The following FRA10AC1 variants were observed in gnomAD, a reference collection of about 807,000 sequenced individuals.
FRA10AC1 encodes the protein FRA10A associated CGG repeat 1, also known as protein FRA10AC1.
In FRA10AC1, 43 loss-of-function variants were observed where a neutral mutation model predicts 56.5. That is an observed-to-expected ratio of 0.76 (90% CI 0.60 to 0.98). FRA10AC1 has a LOEUF of 0.98. Ranked by LOEUF, FRA10AC1 falls within the 50% of genes least tolerant of loss-of-function variation. The pLI is 0.00. For synonymous variants in FRA10AC1, 112 were observed against 110.5 expected (o/e 1.01, Z -0.09); for missense variants, 346 against 351.8 (o/e 0.98, Z 0.13).
At chr10:93,697,405 C>T (rs1257539592) in intron 4 of FRA10AC1, among the ~76,000 whole-genome samples, 1 of 152,186 alleles carries the variant, frequency 6.6e-6, no homozygotes, top group Non-Finnish European at 1.5e-5. Context: ...CAGATGATTA[C>T]AGGTAGGGGG....
In FRA10AC1 at chr10:93,669,613, T is replaced by C; in HGVS notation, c.*213A>G. ...ATAAAACAGAATTGTAGATAAGCAA[T>C]TGAAAAGATATTTAAAGGACAGGAA... On this transcript the variant is annotated 3_prime_UTR_variant, in exon 14 of 14. Transcript: ENST00000359204. 1 of 530,516 alleles carries C rather than the reference T, an allele frequency of 1.9e-6. No homozygotes were observed. Among genetic ancestry groups the C allele is most frequent in the South Asian group, 2.8e-5 (1 of 35,274 alleles). The allele number at this position is 530,516 out of a possible 1,614,324, so 32.9% of individuals were successfully genotyped here. A position where few individuals can be genotyped will look rare whatever the true frequency, so the allele number is the denominator to read the frequency against.
At chr10:93,697,018 A>G (rs527243950) in intron 4 of FRA10AC1, among the ~76,000 whole-genome samples, 1 of 152,322 alleles carries the variant, frequency 6.6e-6, no homozygotes, top group African/African-American at 2.4e-5. Flanking sequence ...TGTATACCCT[A>G]TGTAACAATC....
At chr10:93,687,544 A>G in intron 7 of FRA10AC1, 95 bp from the exon 8 acceptor site, 1 of 1,136,440 alleles carries the variant, frequency 8.8e-7, no homozygotes, top group Non-Finnish European at 1.2e-6. Context: ...AACCTAAAAA[A>G]TAAATGTAAT....
intron 4 of FRA10AC1, 68 bp downstream of exon 4, chr10:93,698,068 A>C: frequency 1.1e-6 from 1 of 895,280 alleles, no homozygotes; most frequent in African/African-American, 1.7e-5. Flanking sequence ...ACAAGATTTT[A>C]TAAAACAAAA....
chr10:93,699,628 A>G (rs1816725912), intron 2 of FRA10AC1, among the ~76,000 whole-genome samples: 1 of 152,236 alleles, frequency 6.6e-6, no homozygotes, highest in Admixed American at 6.5e-5. Context: ...GTGCTGCATT[A>G]TACTTTCATC....
Position 93,681,550 on chromosome 10 carries a change from G to A in FRA10AC1, c.717C>T (p.Asp239=). The A allele has an allele frequency of 6.4e-7, 1 of 1,568,116 alleles. No homozygotes were observed. The highest frequency in any genetic ancestry group is 1.2e-5 in the South Asian group (1 of 83,290). Residue 239 remains aspartate, a synonymous_variant, in exon 11 of 14, where the codon GAC becomes GAT. Transcript: ENST00000359204. ...SKKRKDKTKK[D]CEESSHKKSR... is the part of the protein sequence containing the mutation. ...ATTTTTTATGTGATGACTCTTCACAGTCTTTTTTGGTTTTATCTTTTCTTT... is the reference window on the plus strand; with the variant it reads ...ATTTTTTATGTGATGACTCTTCACAATCTTTTTTGGTTTTATCTTTTCTTT...
chr10:93,675,640 G>C, intron 12 of FRA10AC1: 1 of 368,238 alleles, frequency 2.7e-6, no homozygotes, highest in Non-Finnish European at 5.8e-6. Flanking sequence ...GGGAAGCAGG[G>C]GCTGCAGTCA....
chr10:93,689,348 T>C (rs1453541585), intron 7 of FRA10AC1, among the ~76,000 whole-genome samples: 1 of 152,092 alleles, frequency 6.6e-6, no homozygotes, highest in Non-Finnish European at 1.5e-5. Flanking sequence ...CTCAAAATAT[T>C]TCAAAATACT....
chr10:93,677,775 C>T (rs2058869002), intron 11 of FRA10AC1, among the ~76,000 whole-genome samples: 1 of 152,168 alleles, frequency 6.6e-6, no homozygotes, highest in Non-Finnish European at 1.5e-5. Context: ...GTTAGTAGAT[C>T]TGGAAGGGTC....
chr10:93,694,800 G>T, intron 5 of FRA10AC1, 61 bp downstream of exon 5: 2 of 786,950 alleles, frequency 2.5e-6, no homozygotes, highest in Non-Finnish European at 4.3e-6. Flanking sequence ...CACAGTAGCT[G>T]TGGGTCTTTA....
chr10:93,669,523 GA>G lies in FRA10AC1; in HGVS notation c.*302del, dbSNP rs1179716929. 7.5e-6 allele frequency: 2 copies of G among 267,340 alleles called. No homozygotes were observed. The highest frequency in any genetic ancestry group is 1.4e-5 in the Non-Finnish European group (2 of 144,086). The allele number at this position is 267,340 out of a possible 1,614,324, so 16.6% of individuals were successfully genotyped here. A position where few individuals can be genotyped will look rare whatever the true frequency, so the allele number is the denominator to read the frequency against. ...AGAGAAGATACATAATGAAGGCAGT[GA>G]AAAAAAACCTACAAAATGTAGGAAC... On this transcript the variant is annotated 3_prime_UTR_variant, in exon 14 of 14. Transcript: ENST00000359204.
chr10:93,692,660 T>C lies in FRA10AC1; in HGVS notation c.366A>G (p.Glu122=). The C allele has an allele frequency of 1.9e-6, 3 of 1,595,724 alleles. No individual in the cohort carries two copies. The highest frequency in any genetic ancestry group is 2.6e-6 in the Non-Finnish European group (3 of 1,168,958). The change falls in exon 6 of 14, where the codon GAA becomes GAG. Residue 122 remains glutamate, a synonymous_variant. Transcript: ENST00000359204. ...TGGCTAATTACCAAGTCATGTCCAT[T>C]TCGTCCTCCTCATTCCATAGGAATC... ...NHRFLWNEED[E]MDMTWEKRLA...
At chr10:93,674,809 A>G (rs2058817637) in intron 12 of FRA10AC1, 1 of 152,206 alleles carries the variant, frequency 6.6e-6, no homozygotes, top group Non-Finnish European at 1.5e-5. Flanking sequence ...AAGGATAAAA[A>G]ATTAGAACTG....
At chr10:93,702,862 C>T (rs1199622327), upstream of FRA10AC1, among the ~76,000 whole-genome samples, 1 of 151,966 alleles carries the variant, frequency 6.6e-6, no homozygotes, top group African/African-American at 2.4e-5. Flanking sequence ...TTTTGTTTTA[C>T]CGTGCCTATC....
intron 12 of FRA10AC1, 156 bp from the exon 13 acceptor site, chr10:93,671,004 T>C (rs1175798160): frequency 1.8e-6 from 1 of 564,140 alleles, no homozygotes. Context: ...TAAATTCTTT[T>C]AAAACATATA....
At chr10:93,687,937 TAA>T (rs2059060302) in intron 7 of FRA10AC1, 1 of 152,250 alleles carries the variant, frequency 6.6e-6, no homozygotes, top group Non-Finnish European at 1.5e-5. Context: ...CACAGAGGTT[TAA>T]AGAGGTTTAA....
intron 5 of FRA10AC1, 49 bp from the exon 6 acceptor site, chr10:93,692,778 AT>A: frequency 7.8e-7 from 1 of 1,275,178 alleles, no homozygotes; most frequent in Non-Finnish European, 1.1e-6. Flanking sequence ...AAGTAGTCAA[AT>A]TTAGGTTAAA....
intron 12 of FRA10AC1, chr10:93,675,752 T>C (rs2058830082): frequency 7.5e-6 from 2 of 267,926 alleles, no homozygotes; most frequent in Non-Finnish European, 1.6e-5. Flanking sequence ...ATCTCAAGTT[T>C]CTAAATTTCT....
intron 7 of FRA10AC1, 57 bp downstream of exon 7, chr10:93,691,950 TAA>T: frequency 6.7e-7 from 1 of 1,495,906 alleles, no homozygotes; most frequent in Non-Finnish European, 9.0e-7. Context: ...GACAGTATAA[TAA>T]AAGTTAATAT....
Sources: allele counts gnomAD v4.1 joint callset (sites outside exome capture counted in the v4.1 genomes callset), GRCh38; gene constraint gnomAD v4.1.1; transcripts MANE v1.5; gene names NCBI Gene and HGNC (gene_info 2026-07-23, HGNC 2026-07-21).